Variants in ROBO1 observed in about 807,000 individuals in gnomAD.
ROBO1 encodes roundabout guidance receptor 1, also known as roundabout homolog 1.
In ROBO1, 149 loss-of-function variants were observed where a neutral mutation model predicts 195.9. The observed-to-expected ratio is 0.76, with a 90% CI of 0.67 to 0.87. The LOEUF (loss-of-function observed/expected upper bound fraction) is 0.87. Among genes scored for constraint, ROBO1 ranks in the 40% least tolerant of loss-of-function variants. ROBO1 has a pLI of 0.00. For synonymous variants in ROBO1, 816 were observed against 733.2 expected, an observed-to-expected ratio of 1.11 and a Z score of -1.82; for missense variants, 1,933 against 2,068.3, an observed-to-expected ratio of 0.93 and a Z score of 1.27.
At chr3:79,274,931 T>C (rs2030901303) in intron 2 of ROBO1, among the ~76,000 whole-genome samples, 1 of 151,898 alleles carries the variant, frequency 6.6e-6, no homozygotes, top group East Asian at 1.9e-4. Flanking sequence ...AAGATTGAAC[T>C]ATGAAGAAAT....
At chr3:79,766,014 C>A (rs568174033) in intron 1 of ROBO1, among the ~76,000 whole-genome samples, 19 of 152,126 alleles carry the variant, frequency 1.2e-4, no homozygotes, top group Admixed American at 9.8e-4. Context: ...CACTCCTTGG[C>A]GGGGCGTGAA....
At chr3:78,657,925 T>C (rs1367477381) in intron 17 of ROBO1, among the ~76,000 whole-genome samples, 1 of 152,230 alleles carries the variant, frequency 6.6e-6, no homozygotes, top group African/African-American at 2.4e-5. Context: ...ATTCAACCTC[T>C]GGTACACTGA....
chr3:79,099,835 G>T (rs956136486), intron 3 of ROBO1, among the ~76,000 whole-genome samples: 2 of 151,632 alleles, frequency 1.3e-5, no homozygotes, highest in African/African-American at 4.8e-5. Flanking sequence ...ACTCCCAAAA[G>T]ATCTTTTTAA....
At chr3:78,907,280 C>G (rs1032394948) in intron 4 of ROBO1, among the ~76,000 whole-genome samples, 2 of 151,480 alleles carry the variant, frequency 1.3e-5, no homozygotes, top group Non-Finnish European at 2.9e-5. Context: ...ATGAGAATCA[C>G]AAAAAAACAA....
chr3:79,306,205 A>G (rs2033209953), intron 2 of ROBO1, among the ~76,000 whole-genome samples: 1 of 152,328 alleles, frequency 6.6e-6, no homozygotes, highest in South Asian at 2.1e-4. Context: ...TAATTTTCAA[A>G]TGTTTTTCAA....
chr3:79,447,143 G>T (rs974403889), intron 2 of ROBO1, among the ~76,000 whole-genome samples: 30 of 152,188 alleles, frequency 2.0e-4, no homozygotes, highest in African/African-American at 6.5e-4. Flanking sequence ...ATGTAAACTT[G>T]ATTACAGGTG....
intron 2 of ROBO1, among the ~76,000 whole-genome samples, chr3:79,457,994 A>T (rs1408734493): frequency 6.6e-6 from 1 of 152,100 alleles, no homozygotes; most frequent in Non-Finnish European, 1.5e-5. Context: ...TTGAGAAACA[A>T]CTCAATTGAG....
intron 3 of ROBO1, among the ~76,000 whole-genome samples, chr3:79,080,244 T>G (rs1254497684): frequency 6.6e-6 from 1 of 151,978 alleles, no homozygotes; most frequent in Non-Finnish European, 1.5e-5. Context: ...AATATTAACT[T>G]TCAGTTACGT....
At position 78,597,950 on chromosome 3, in the gene ROBO1, C is replaced by CAAAAAAAAAAA. The variant is rs35691197; in HGVS notation, c.*952_*962dup. 1 of 109,472 alleles carries CAAAAAAAAAAA rather than the reference C, an allele frequency of 9.1e-6. No individual in the cohort carries two copies. The highest frequency in any genetic ancestry group is 3.1e-4 in the South Asian group (1 of 3,258). The allele number at this position is 109,472 out of a possible 1,614,324, so 6.8% of individuals were successfully genotyped here. ...AGTTTAGTGATTGTGCTTTTAAAAC[C>CAAAAAAAAAAA]AAAAAAAAAAAAAAAAAGAGAGAGA... On this transcript the variant is annotated 3_prime_UTR_variant, in exon 31 of 31. Transcript: ENST00000464233.
chr3:79,035,240 G>A (rs1008657844), intron 3 of ROBO1, among the ~76,000 whole-genome samples: 4 of 151,796 alleles, frequency 2.6e-5, no homozygotes, highest in Non-Finnish European at 4.4e-5. Context: ...CTATTTCTTC[G>A]TTTGGAGAAT....
At chr3:78,656,405 C>G (rs1341427108) in intron 18 of ROBO1, among the ~76,000 whole-genome samples, 9 of 136,880 alleles carry the variant, frequency 6.6e-5, no homozygotes, top group Non-Finnish European at 1.4e-4. Context: ...GGCTGGAGTG[C>G]AGTGGTGTAA....
intron 4 of ROBO1, among the ~76,000 whole-genome samples, chr3:78,859,947 CGG>C (rs2034692351): frequency 6.6e-6 from 1 of 151,928 alleles, no homozygotes; most frequent in Non-Finnish European, 1.5e-5. Context: ...GGCGTGGTGG[CGG>C]ACGCCTGTGG....
At chr3:79,568,803 A>C (rs1335351534) in intron 2 of ROBO1, among the ~76,000 whole-genome samples, 1 of 152,186 alleles carries the variant, frequency 6.6e-6, no homozygotes, top group Admixed American at 6.6e-5. Flanking sequence ...ATTATTTTTA[A>C]GTAAAATGGT....
chr3:79,465,735 C>T (rs999080021), intron 2 of ROBO1, among the ~76,000 whole-genome samples: 1 of 151,956 alleles, frequency 6.6e-6, no homozygotes, highest in Non-Finnish European at 1.5e-5. Context: ...ACTAAATTCT[C>T]CAGACTCACA....
rs7611200 is a variant in ROBO1 at position 79,552,745 on chromosome 3, G to A, written c.88+37079C>T. On this transcript the variant is annotated intron_variant, in intron 2 of 30. Coordinates refer to ENST00000464233, the MANE Select transcript of ROBO1 (RefSeq NM_002941.4). ...TAGGGAATAAGAAGCAGATAATTTC[G>A]GTTTGTTAGGCTTCAGTTCCTGCCT... Among the ~76,000 whole-genome samples, 4 of 151,932 alleles carry A rather than the reference G, an allele frequency of 2.6e-5. No homozygotes were observed. The South Asian group carries it at 6.2e-4, about 24-fold the overall frequency.
chr3:79,542,059 A>T (rs1160890521), intron 2 of ROBO1, among the ~76,000 whole-genome samples: 1 of 152,000 alleles, frequency 6.6e-6, no homozygotes, highest in African/African-American at 2.4e-5. Context: ...CTCTGATTTT[A>T]CAGGCTTTGC....
At position 79,160,903 on chromosome 3, in the gene ROBO1, A is replaced by G. The variant is rs569533086; in HGVS notation, c.89-35364T>C. On this transcript the variant is annotated intron_variant, in intron 2 of 30. Coordinates refer to ENST00000464233, the MANE Select transcript of ROBO1 (RefSeq NM_002941.4). ...GGTAATATTAACGTTACACAAAGTC[A>G]TTTTTTACTATGCACGTAAAGAGAA... Among the ~76,000 whole-genome samples the G allele has an allele frequency of 2.0e-5, 3 of 152,138 alleles. No individual in the cohort carries two copies. The South Asian group carries it at 6.2e-4, about 32-fold the overall frequency.
intron 1 of ROBO1, among the ~76,000 whole-genome samples, chr3:79,684,890 G>A (rs187794594): frequency 2.6e-5 from 4 of 151,930 alleles, no homozygotes; most frequent in South Asian, 2.1e-4. Flanking sequence ...TGCCCGGGCC[G>A]GTTGCACACT....
intron 4 of ROBO1, among the ~76,000 whole-genome samples, chr3:78,766,979 T>C (rs2108399355): frequency 6.6e-6 from 1 of 152,304 alleles, no homozygotes; most frequent in South Asian, 2.1e-4. Context: ...CACTTGATCA[T>C]GGTGGATTAT....
Sources: allele counts gnomAD v4.1 joint callset (sites outside exome capture counted in the v4.1 genomes callset), GRCh38; gene constraint gnomAD v4.1.1; transcripts MANE v1.5; gene names NCBI Gene and HGNC (gene_info 2026-07-23, HGNC 2026-07-21).